Variants in RAI1 observed in about 807,000 individuals in gnomAD.
RAI1 encodes the protein retinoic acid-induced protein 1.
RAI1 carries 9 observed loss-of-function variants against 123.8 expected under a neutral mutation model. The observed-to-expected ratio is 0.07, with a 90% CI of 0.04 to 0.13. The LOEUF (loss-of-function observed/expected upper bound fraction) is 0.13. RAI1 is among the 10% of genes least tolerant of loss of function. RAI1 has a pLI of 1.00. For synonymous variants in RAI1, 1,231 were observed against 1,127.3 expected, an observed-to-expected ratio of 1.09 and a Z score of -1.84; for missense variants, 2,256 against 2,545.8, an observed-to-expected ratio of 0.89 and a Z score of 2.45.
intron 1 of RAI1, among the ~76,000 whole-genome samples, chr17:17,698,223 C>T (rs151001354): frequency 0.016 from 2,409 of 152,324 alleles, 29 homozygotes; most frequent in Non-Finnish European, 0.026. Context: ...GGCAGGCGCC[C>T]AGGTCCCTGT....
In RAI1 at chr17:17,796,195, A is replaced by G; in HGVS notation, c.3247A>G (p.Lys1083Glu). 6.4e-7 allele frequency: 1 copy of G among 1,554,290 alleles called. No homozygotes were observed. The highest frequency in any genetic ancestry group is 8.7e-7 in the Non-Finnish European group (1 of 1,149,662). Reference sequence around the variant, plus strand: ...GACCACCACCCCTGCACCCCCAGACAAACTGGGGGGCAAGCAGCGAGCCGC... The same window carrying G: ...GACCACCACCCCTGCACCCCCAGACGAACTGGGGGGCAAGCAGCGAGCCGC... Reference protein sequence around the residue: ...GLTTTPAPPDKLGGKQRAAFK... With the variant: ...GLTTTPAPPDELGGKQRAAFK... The change falls in exon 3 of 6, where the codon AAA becomes GAA. Residue 1083 changes from lysine (K) to glutamate (E), a missense_variant. Lys to Glu is a moderately conservative substitution (Grantham distance 56, BLOSUM62 1). Around this residue, in one of 7 missense-constraint regions of RAI1, gnomAD observed 566 missense variants for 616.0 expected, o/e 0.92. Transcript: ENST00000353383. This position sits in a 1 kb window ranked among gnomAD's most constrained non-coding sequence, Gnocchi z 5.8.
intron 2 of RAI1, among the ~76,000 whole-genome samples, chr17:17,740,606 C>T (rs776374843): frequency 1.1e-4 from 16 of 152,182 alleles, no homozygotes; most frequent in Non-Finnish European, 7.3e-5. Context: ...CCCCAGGCCA[C>T]GTGGCCATCA....
chr17:17,805,466 A>G (rs1478192675), intron 4 of RAI1, among the ~76,000 whole-genome samples: 1 of 152,136 alleles, frequency 6.6e-6, no homozygotes, highest in Non-Finnish European at 1.5e-5. Flanking sequence ...CCCACCTCCC[A>G]GTGGACAGAG....
intron 2 of RAI1, among the ~76,000 whole-genome samples, chr17:17,727,771 A>G (rs1429386376): frequency 6.6e-6 from 1 of 152,128 alleles, no homozygotes; most frequent in East Asian, 1.9e-4. Flanking sequence ...TGGCACAGAT[A>G]TGAGGTATGA....
chr17:17,722,528 G>A (rs1026469441), intron 1 of RAI1, among the ~76,000 whole-genome samples: 2 of 152,182 alleles, frequency 1.3e-5, no homozygotes, highest in African/African-American at 4.8e-5. Flanking sequence ...TCGGCCGCCG[G>A]GAAACCTAGA....
chr17:17,682,975 G>T (rs903760826), intron 1 of RAI1, among the ~76,000 whole-genome samples: 2 of 152,140 alleles, frequency 1.3e-5, no homozygotes, highest in South Asian at 4.2e-4. Context: ...TCCGCGCGCC[G>T]CACACTCTCC....
chr17:17,719,488 A>G (rs540731389), intron 1 of RAI1, among the ~76,000 whole-genome samples: 2 of 152,240 alleles, frequency 1.3e-5, no homozygotes, highest in South Asian at 2.1e-4. Context: ...TGTGTTCTCA[A>G]ATGCTCTTAA....
intron 2 of RAI1, chr17:17,766,327 C>T (rs1009472220): frequency 6.6e-6 from 1 of 152,238 alleles, no homozygotes; most frequent in Non-Finnish European, 1.5e-5. Context: ...AAAGATGCAT[C>T]TTTGTCGCAG....
At chr17:17,683,880 T>C (rs1400965021) in intron 1 of RAI1, 1 of 152,174 alleles carries the variant, frequency 6.6e-6, no homozygotes, top group Admixed American at 6.5e-5. Context: ...TACTCCTCTT[T>C]GTTTTATTTT....
chr17:17,767,648 G>C (rs1390919042), intron 2 of RAI1, among the ~76,000 whole-genome samples: 1 of 152,226 alleles, frequency 6.6e-6, no homozygotes, highest in Non-Finnish European at 1.5e-5. Flanking sequence ...GGGGACTGGG[G>C]TTTGGAAGGC....
intron 1 of RAI1, among the ~76,000 whole-genome samples, chr17:17,720,663 A>G (rs550303646): frequency 1.3e-5 from 2 of 152,282 alleles, no homozygotes; most frequent in Non-Finnish European, 2.9e-5. Flanking sequence ...AGAATCTTGA[A>G]ATTGAGAGTC....
At chr17:17,750,751 G>T (rs79173473) in intron 2 of RAI1, among the ~76,000 whole-genome samples, 1 of 149,476 alleles carries the variant, frequency 6.7e-6, no homozygotes, top group Non-Finnish European at 1.5e-5. Context: ...AGATGCAGCA[G>T]CCAAAGGCTG....
At chr17:17,790,587 A>G (rs911544746) in intron 2 of RAI1, among the ~76,000 whole-genome samples, 22 of 152,168 alleles carry the variant, frequency 1.4e-4, no homozygotes, top group African/African-American at 5.3e-4. Flanking sequence ...CTCTTTAAAT[A>G]ATGTTTCTGG....
At chr17:17,804,052 A>G (rs1567936881) in intron 4 of RAI1, 1 of 684,186 alleles carries the variant, frequency 1.5e-6, no homozygotes, top group Non-Finnish European at 2.7e-6. Flanking sequence ...GGCATTCCCC[A>G]GGCACCTGCT....
chr17:17,748,819 C>T (rs1477934261), intron 2 of RAI1, among the ~76,000 whole-genome samples: 2 of 152,134 alleles, frequency 1.3e-5, no homozygotes, highest in African/African-American at 2.4e-5. Context: ...GGGGCCATGA[C>T]AGGTATGTGA....
In RAI1 at chr17:17,795,440, T is replaced by C; in HGVS notation, c.2492T>C (p.Val831Ala). 2 of 1,588,056 alleles carry C rather than the reference T, an allele frequency of 1.3e-6. No individual in the cohort carries two copies. Among genetic ancestry groups the C allele is most frequent in the Non-Finnish European group, 1.7e-6 (2 of 1,165,804 alleles). The change falls in exon 3 of 6, where the codon GTG (valine) becomes GCG (alanine). Residue 831 changes from valine to alanine, a missense_variant. This residue lies in a region of RAI1 where 566 missense variants were observed against 616.0 expected (regional missense o/e 0.92). Transcript: ENST00000353383. The surrounding 1 kb of genome is among the most constrained non-coding windows in gnomAD (Gnocchi z 5.9). Reference sequence around the variant, plus strand: ...GGTGGGCTGCTGCAGTGCCCCGAGGTGGCCAAGGCTGACCGGTGGCTGGAG... The same window carrying C: ...GGTGGGCTGCTGCAGTGCCCCGAGGCGGCCAAGGCTGACCGGTGGCTGGAG... ...EAGGLLQCPEVAKADRWLEDS... is the reference protein window; with the variant it reads ...EAGGLLQCPEAAKADRWLEDS...
chr17:17,730,373 G>A (rs983559465), intron 2 of RAI1, among the ~76,000 whole-genome samples: 3 of 152,176 alleles, frequency 2.0e-5, no homozygotes, highest in Admixed American at 1.3e-4. Flanking sequence ...CCTAGGCCCC[G>A]CAGGGCCGGG....
chr17:17,690,367 G>C (rs922343941), intron 1 of RAI1, among the ~76,000 whole-genome samples: 6 of 150,652 alleles, frequency 4.0e-5, no homozygotes, highest in African/African-American at 1.5e-4. Context: ...TCCAGCCTGG[G>C]TGACAGAGCG....
chr17:17,768,081 C>T (rs1297508349), intron 2 of RAI1, among the ~76,000 whole-genome samples: 1 of 152,194 alleles, frequency 6.6e-6, no homozygotes, highest in Non-Finnish European at 1.5e-5. Flanking sequence ...ACTGTTGCTA[C>T]CCTGAGGATT....
Sources: allele counts gnomAD v4.1 joint callset (sites outside exome capture counted in the v4.1 genomes callset), GRCh38; gene constraint gnomAD v4.1.1; regional missense constraint gnomAD v4.1.1; non-coding constraint Gnocchi (gnomAD v3.1); transcripts MANE v1.5; gene names NCBI Gene and HGNC (gene_info 2026-07-23, HGNC 2026-07-21).